HMGCLL1: variants seen among roughly 807,000 people sequenced by gnomAD.
HMGCLL1 encodes the protein 3-hydroxy-3-methylglutaryl-CoA lyase like 1, also known as 3-hydroxymethyl-3-methylglutaryl-CoA lyase, cytoplasmic.
A neutral mutation model predicts 39.1 loss-of-function variants in HMGCLL1; 36 were observed. That is an observed-to-expected ratio of 0.92 (90% CI 0.71 to 1.22). HMGCLL1 has a LOEUF of 1.22. Ranked by LOEUF, HMGCLL1 falls within the 50% of genes most tolerant of loss-of-function variation. HMGCLL1 has a pLI of 0.00. For synonymous variants in HMGCLL1, 149 were observed against 144.0 expected (o/e 1.03, Z -0.25); for missense variants, 451 against 416.5 (o/e 1.08, Z -0.72).
chr6:55,540,295 T>C (rs1209588387), intron 3 of HMGCLL1, among the ~76,000 whole-genome samples: 3 of 152,066 alleles, frequency 2.0e-5, no homozygotes, highest in Admixed American at 6.6e-5. Flanking sequence ...CAGTAACTGT[T>C]ATGGACTGAA....
intron 1 of HMGCLL1, among the ~76,000 whole-genome samples, chr6:55,544,195 G>C (rs1354585535): frequency 4.6e-5 from 7 of 152,154 alleles, no homozygotes; most frequent in Non-Finnish European, 8.8e-5. Context: ...GATGGCAAAT[G>C]GTCTGGTTTC....
chr6:55,491,126 T>G (rs1766289230), intron 7 of HMGCLL1, among the ~76,000 whole-genome samples: 1 of 152,148 alleles, frequency 6.6e-6, no homozygotes, highest in African/African-American at 2.4e-5. Context: ...ACATCATCCA[T>G]TCTTACAAAT....
At chr6:55,542,494 T>C (rs1375979822) in intron 1 of HMGCLL1, among the ~76,000 whole-genome samples, 1 of 151,980 alleles carries the variant, frequency 6.6e-6, no homozygotes, top group Non-Finnish European at 1.5e-5. Context: ...AAAAATTACA[T>C]CTTGACCAGG....
chr6:55,530,603 T>C (rs1364451056), intron 3 of HMGCLL1, among the ~76,000 whole-genome samples: 1 of 152,156 alleles, frequency 6.6e-6, no homozygotes, highest in African/African-American at 2.4e-5. Context: ...GTATATTCTT[T>C]TTCTTTTATC....
intron 7 of HMGCLL1, among the ~76,000 whole-genome samples, chr6:55,474,280 G>A (rs1039365264): frequency 6.6e-6 from 1 of 151,378 alleles, no homozygotes; most frequent in Non-Finnish European, 1.5e-5. Flanking sequence ...TTAAAATCGT[G>A]TAATAGTTCT....
At chr6:55,652,573 T>G in the HMGCLL1 span, among the ~76,000 whole-genome samples, 1 of 152,130 alleles carries the variant, frequency 6.6e-6, no homozygotes, top group Non-Finnish European at 1.5e-5. Flanking sequence ...AACTCCTGAA[T>G]GATTCTGTGG....
At chr6:55,437,659 C>G (rs1185273687) in intron 8 of HMGCLL1, among the ~76,000 whole-genome samples, 1 of 152,116 alleles carries the variant, frequency 6.6e-6, no homozygotes, top group East Asian at 1.9e-4. Flanking sequence ...GCACAGGCTT[C>G]CTTTCAGGAA....
intron 7 of HMGCLL1, among the ~76,000 whole-genome samples, chr6:55,455,273 C>A (rs776270144): frequency 6.6e-6 from 1 of 152,024 alleles, no homozygotes; most frequent in Non-Finnish European, 1.5e-5. Context: ...ATCAAAATAT[C>A]TAACAAGATA....
chr6:55,486,582 A>G (rs138725864), intron 7 of HMGCLL1, among the ~76,000 whole-genome samples: 11 of 152,046 alleles, frequency 7.2e-5, no homozygotes, highest in African/African-American at 2.7e-4. Context: ...ACATCCACCT[A>G]TTTTCCAAAC....
the HMGCLL1 span, among the ~76,000 whole-genome samples, chr6:55,636,855 A>G: frequency 6.6e-6 from 1 of 152,180 alleles, no homozygotes; most frequent in Non-Finnish European, 1.5e-5. Flanking sequence ...AGTTCCTGGT[A>G]TCATTATTCA....
At position 55,579,092 on chromosome 6, in the gene HMGCLL1, G is replaced by A; in HGVS notation, c.-37C>T. The A allele has an allele frequency of 6.7e-7, 1 of 1,495,976 alleles. No homozygotes were observed. The highest frequency in any genetic ancestry group is 9.2e-7 in the Non-Finnish European group (1 of 1,085,130). The allele number at this position is 1,495,976 out of a possible 1,614,324, so 92.7% of individuals were successfully genotyped here. On this transcript the variant is annotated 5_prime_UTR_variant, in exon 1 of 9. Transcript: ENST00000274901. Reference sequence around the variant, plus strand: ...GGGCGGCAGTCGGCGAGGGGAGGGAGACTGGAGGAGGATGAGGGGCGGGCA... The same window carrying A: ...GGGCGGCAGTCGGCGAGGGGAGGGAAACTGGAGGAGGATGAGGGGCGGGCA...
At chr6:55,660,012 C>T in the HMGCLL1 span, among the ~76,000 whole-genome samples, 1 of 151,746 alleles carries the variant, frequency 6.6e-6, no homozygotes, top group Non-Finnish European at 1.5e-5. Context: ...CAGTGGGATA[C>T]TACTAAAATA....
At chr6:55,465,767 C>A (rs1263170193) in intron 7 of HMGCLL1, among the ~76,000 whole-genome samples, 2 of 152,040 alleles carry the variant, frequency 1.3e-5, no homozygotes, top group African/African-American at 4.8e-5. Context: ...CTGAACTAAT[C>A]TTTCAATTAT....
chr6:55,551,423 G>A (rs1770320075), intron 1 of HMGCLL1, among the ~76,000 whole-genome samples: 1 of 151,880 alleles, frequency 6.6e-6, no homozygotes, highest in Non-Finnish European at 1.5e-5. Context: ...CTGCATCTTA[G>A]TTCCTTGACT....
the HMGCLL1 span, among the ~76,000 whole-genome samples, chr6:55,584,905 A>G: frequency 1.3e-5 from 2 of 152,108 alleles, no homozygotes; most frequent in East Asian, 3.9e-4. Context: ...GCCTTAAACA[A>G]TAAAAAAGAA....
the HMGCLL1 span, among the ~76,000 whole-genome samples, chr6:55,644,551 A>T: frequency 6.6e-6 from 1 of 152,118 alleles, no homozygotes; most frequent in Admixed American, 6.6e-5. Context: ...TATGTCTTTA[A>T]TCTATTTTGA....
chr6:55,615,514 A>G, the HMGCLL1 span, among the ~76,000 whole-genome samples: 1 of 152,184 alleles, frequency 6.6e-6, no homozygotes, highest in African/African-American at 2.4e-5. Flanking sequence ...TCCCAGCTCA[A>G]TCACCTAATC....
chr6:55,624,726 T>C, the HMGCLL1 span, among the ~76,000 whole-genome samples: 1 of 152,168 alleles, frequency 6.6e-6, no homozygotes, highest in Non-Finnish European at 1.5e-5. Flanking sequence ...CTCAGTCAAA[T>C]TTCTAGGGGT....
chr6:55,495,282 T>G, intron 7 of HMGCLL1, 137 bp downstream of exon 7: 8 of 637,302 alleles, frequency 1.3e-5, no homozygotes. Context: ...CAAGTGCCTG[T>G]CATGTACAGA....
Sources: gnomAD v4.1 joint callset for allele counts (sites outside exome capture counted in the v4.1 genomes callset) on GRCh38, gnomAD v4.1.1 for gene constraint, MANE v1.5 for transcripts, NCBI Gene and HGNC (gene_info 2026-07-23, HGNC 2026-07-21) for gene names.